KYNU: variants seen among roughly 807,000 people sequenced by gnomAD.
KYNU encodes L-kynurenine hydrolase.
Under a neutral mutation model 59.2 loss-of-function variants are expected in KYNU, and 54 were observed. The observed-to-expected ratio is 0.91, with a 90% CI of 0.73 to 1.14. The LOEUF (loss-of-function observed/expected upper bound fraction) is 1.14, where lower values mean the gene tolerates loss of function less well. Ranked by LOEUF, KYNU falls within the 50% of genes most tolerant of loss-of-function variation. KYNU has a pLI of 0.00. For synonymous variants in KYNU, 177 were observed against 192.0 expected, an observed-to-expected ratio of 0.92 and a Z score of 0.65; for missense variants, 567 against 554.4, an observed-to-expected ratio of 1.02 and a Z score of -0.23.
intron 10 of KYNU, among the ~76,000 whole-genome samples, chr2:143,028,767 G>C (rs1201444030): frequency 6.6e-6 from 1 of 152,020 alleles, no homozygotes; most frequent in Non-Finnish European, 1.5e-5. Context: ...AGAATTACTT[G>C]AACCCGGAAG....
At position 142,918,553 on chromosome 2, in the gene KYNU, C is replaced by A. The variant is rs72988617; in HGVS notation, c.170-56C>A. ...AATTATTTGTACTGGCTTAACAATACCATACTGAAAAAGCTTTTATTTTTT... is the reference window on the plus strand; with the variant it reads ...AATTATTTGTACTGGCTTAACAATAACATACTGAAAAAGCTTTTATTTTTT... On this transcript the variant is annotated intron_variant, in intron 2 of 13. Transcript: ENST00000264170. The A allele has an allele frequency of 3.4e-6, 5 of 1,463,080 alleles. No individual in the cohort carries two copies. The African/African-American group carries it at 5.8e-5, about 17-fold the overall frequency. 90.6% of individuals were successfully genotyped at this position (1,463,080 alleles called of 1,614,324 possible). A position where few individuals can be genotyped will look rare whatever the true frequency, so the allele number is the denominator to read the frequency against.
chr2:142,888,760 T>C (rs1021383225), intron 2 of KYNU, among the ~76,000 whole-genome samples: 1 of 151,432 alleles, frequency 6.6e-6, no homozygotes, highest in Non-Finnish European at 1.5e-5. Flanking sequence ...TAAGGATTCA[T>C]GTATTCGGCA....
At chr2:142,969,307 T>C (rs991745078) in intron 8 of KYNU, among the ~76,000 whole-genome samples, 1 of 152,166 alleles carries the variant, frequency 6.6e-6, no homozygotes, top group South Asian at 2.1e-4. Context: ...ATGAAAAATG[T>C]TGATTAAGGA....
chr2:142,913,154 G>C (rs1041195181), intron 2 of KYNU, among the ~76,000 whole-genome samples: 1 of 152,054 alleles, frequency 6.6e-6, no homozygotes. Flanking sequence ...ACAGCTTTTG[G>C]TTTCATTGAT....
chr2:142,959,037 G>T (rs1029078646), intron 7 of KYNU, among the ~76,000 whole-genome samples: 1 of 151,648 alleles, frequency 6.6e-6, no homozygotes, highest in Admixed American at 6.6e-5. Flanking sequence ...ATTAATATTG[G>T]GATGCCAATT....
At chr2:142,953,237 C>A (rs1684050837) in intron 4 of KYNU, among the ~76,000 whole-genome samples, 1 of 152,196 alleles carries the variant, frequency 6.6e-6, no homozygotes, top group Non-Finnish European at 1.5e-5. Flanking sequence ...CCATTACCCA[C>A]CGCGTATGAC....
chr2:143,038,768 A>G lies in KYNU; in HGVS notation c.1042-1660A>G, dbSNP rs2104924449. 1.3e-5 allele frequency among the ~76,000 whole-genome samples: 2 copies of G among 152,178 alleles called. 1 individual carries two copies. The highest frequency in any genetic ancestry group is 4.2e-4 in the South Asian group (2 of 4,816). On this transcript the variant is annotated intron_variant, in intron 12 of 13. Transcript: ENST00000264170. ...ATAGTTCCAGGAAATCTATGGCTGA[A>G]TGGTTTGAGTTTTATTAGAGTGCCT...
At chr2:143,020,369 T>TA (rs1686369883) in intron 10 of KYNU, among the ~76,000 whole-genome samples, 1 of 152,164 alleles carries the variant, frequency 6.6e-6, no homozygotes, top group African/African-American at 2.4e-5. Context: ...ATTTCCTTCT[T>TA]ACATTCTTCA....
intron 8 of KYNU, among the ~76,000 whole-genome samples, chr2:142,981,360 T>C (rs1685046823): frequency 6.6e-6 from 1 of 152,176 alleles, no homozygotes; most frequent in Non-Finnish European, 1.5e-5. Context: ...GTTGCTTTAA[T>C]TGGAAATGTT....
At chr2:142,937,292 A>G (rs1381726994) in intron 4 of KYNU, among the ~76,000 whole-genome samples, 1 of 152,092 alleles carries the variant, frequency 6.6e-6, no homozygotes, top group Non-Finnish European at 1.5e-5. Flanking sequence ...GAATCTTACA[A>G]TAGTGAAAAA....
chr2:142,903,767 C>T (rs1682189262), intron 2 of KYNU, among the ~76,000 whole-genome samples: 6 of 152,190 alleles, frequency 3.9e-5, no homozygotes, highest in Admixed American at 1.3e-4. Flanking sequence ...GGCAGTGGGC[C>T]TTCCAGTGAT....
At chr2:143,041,840 C>T (rs896149303) in intron 13 of KYNU, among the ~76,000 whole-genome samples, 36 of 151,672 alleles carry the variant, frequency 2.4e-4, no homozygotes, top group Non-Finnish European at 1.3e-4. Context: ...TATTTATGCA[C>T]CAATCCATTC....
intron 8 of KYNU, among the ~76,000 whole-genome samples, chr2:142,975,277 G>A (rs1684851329): frequency 6.6e-6 from 1 of 152,166 alleles, no homozygotes; most frequent in South Asian, 2.1e-4. Context: ...CAGCTGGACA[G>A]TCAGAGAGGA....
In KYNU at chr2:143,049,840, G is replaced by A. The variant is rs1046994383; in HGVS notation, c.*7668G>A. On this transcript the variant is annotated 3_prime_UTR_variant, in exon 14 of 14. Coordinates refer to ENST00000264170, the MANE Select transcript of KYNU (RefSeq NM_003937.3). ...TTGTAGTTTTGTGATTGATAGCTTC[G>A]AACTGCTCATTTACCTTGACCTTTT... 2.0e-5 allele frequency: 3 copies of A among 151,934 alleles called. No individual in the cohort carries two copies. The highest frequency in any genetic ancestry group is 6.6e-5 in the Admixed American group (1 of 15,230). 9.4% of individuals were successfully genotyped at this position (151,934 alleles called of 1,614,324 possible).
intron 2 of KYNU, among the ~76,000 whole-genome samples, chr2:142,906,021 T>C (rs894134549): frequency 6.6e-6 from 1 of 152,094 alleles, no homozygotes; most frequent in Admixed American, 6.6e-5. Flanking sequence ...CTCTCCTCTC[T>C]GTCTCTTTCT....
rs1684311660 is a variant in KYNU, at chr2:142,960,646, AG to A, written c.607del (p.Asp203IlefsTer5). 2 of 1,613,564 alleles carry A rather than the reference AG, an allele frequency of 1.2e-6. No homozygotes were observed. The highest frequency in any genetic ancestry group is 2.2e-5 in the South Asian group (2 of 91,070). The part of the protein sequence containing the change: ...PREGEETLRI[E>X]DILEVIEKEG... Reference sequence around the variant, plus strand: ...TAGGGGGAAGAAACCTTAAGAATAGAGGATATCCTTGAAGTAATTGAGAAGG... The same window carrying A: ...TAGGGGGAAGAAACCTTAAGAATAGAGATATCCTTGAAGTAATTGAGAAGG... On this transcript the variant is annotated frameshift_variant, in exon 8 of 14. Transcript: ENST00000264170. LOFTEE classifies it high-confidence loss of function.
rs183411730 is a variant in KYNU, at chr2:142,902,419, G to T, written c.170-16190G>T. On this transcript the variant is annotated intron_variant, in intron 2 of 13. Transcript: ENST00000264170. ...CTTTAGGAGTCCATTTTACTAAATG[G>T]GTATTGGCTTTCTGAGCTTCCTTAA... Among the ~76,000 whole-genome samples the T allele has an allele frequency of 3.0e-3, 450 of 152,240 alleles. 2 individuals are homozygous for T. The highest frequency in any genetic ancestry group is 6.8e-3 in the Middle Eastern group (2 of 294).
intron 12 of KYNU, among the ~76,000 whole-genome samples, chr2:143,033,939 T>C (rs565879436): frequency 3.3e-5 from 5 of 152,306 alleles, no homozygotes; most frequent in Admixed American, 1.3e-4. Context: ...TGTCCATTTA[T>C]AGTCTCCACT....
intron 2 of KYNU, among the ~76,000 whole-genome samples, chr2:142,901,219 A>G (rs1682073939): frequency 6.6e-6 from 1 of 152,154 alleles, no homozygotes; most frequent in Non-Finnish European, 1.5e-5. Flanking sequence ...TTAATGCCTA[A>G]GTGAAAGGTT....
Sources: gnomAD v4.1 joint callset for allele counts (sites outside exome capture counted in the v4.1 genomes callset) on GRCh38, gnomAD v4.1.1 for gene constraint, MANE v1.5 for transcripts, NCBI Gene and HGNC (gene_info 2026-07-23, HGNC 2026-07-21) for gene names.